PACRGL: variants seen among roughly 807,000 people sequenced by gnomAD.
PACRGL encodes PACRG-like protein.
In PACRGL, 38 loss-of-function variants were observed where a neutral mutation model predicts 34.5. The ratio of observed to expected loss-of-function variants is 1.10; its 90% CI spans 0.85 to 1.44. The LOEUF is 1.44. Among genes scored for constraint, PACRGL ranks in the 40% most tolerant of loss-of-function variants. The pLI is 0.00. For missense variants in PACRGL, 305 were observed against 281.4 expected (o/e 1.08, Z -0.60); for synonymous variants, 128 against 100.1 (o/e 1.28, Z -1.66).
At chr4:20,736,305 C>T (rs930012728), downstream of PACRGL, among the ~76,000 whole-genome samples, 2 of 152,078 alleles carry the variant, frequency 1.3e-5, no homozygotes, top group Admixed American at 1.3e-4. Flanking sequence ...GTAAATACAT[C>T]GTAGTTTATT....
chr4:20,709,133 TC>T (rs1275918006), intron 4 of PACRGL, among the ~76,000 whole-genome samples: 2 of 152,130 alleles, frequency 1.3e-5, no homozygotes, highest in African/African-American at 4.8e-5. Flanking sequence ...GAGTGAAACT[TC>T]GTCTCAAAAA....
At chr4:20,726,983 C>G (rs924419637) in intron 8 of PACRGL, among the ~76,000 whole-genome samples, 1 of 151,950 alleles carries the variant, frequency 6.6e-6, no homozygotes, top group African/African-American at 2.4e-5. Flanking sequence ...CTAAAGATCA[C>G]GGAACTTAGG....
intron 5 of PACRGL, 40 bp downstream of exon 5, chr4:20,709,813 C>T (rs1239806572): frequency 6.7e-7 from 1 of 1,483,068 alleles, no homozygotes; most frequent in Non-Finnish European, 9.4e-7. Context: ...AGAAAATAAA[C>T]ATTAAAAATT....
intron 7 of PACRGL, among the ~76,000 whole-genome samples, chr4:20,722,411 G>A (rs755987614): frequency 3.9e-5 from 6 of 152,170 alleles, no homozygotes; most frequent in Non-Finnish European, 5.9e-5. Context: ...TGTGTTTTGC[G>A]TCACTCACGC....
At chr4:20,745,646 C>G (rs914425030) in intron 8 of PACRGL, among the ~76,000 whole-genome samples, 1 of 152,126 alleles carries the variant, frequency 6.6e-6, no homozygotes, top group African/African-American at 2.4e-5. Context: ...GTACCGAATT[C>G]TGGTTTCCAT....
chr4:20,723,412 G>A (rs1440913670), intron 7 of PACRGL, among the ~76,000 whole-genome samples: 3 of 151,850 alleles, frequency 2.0e-5, no homozygotes, highest in Non-Finnish European at 4.4e-5. Context: ...TATTGGTTTT[G>A]GTTTTGGGTT....
chr4:20,764,338 G>T, the PACRGL span, among the ~76,000 whole-genome samples: 1 of 152,106 alleles, frequency 6.6e-6, no homozygotes, highest in African/African-American at 2.4e-5. Context: ...GAAATATCCT[G>T]AACATTTTTT....
chr4:20,706,952 G>C (rs1315041032), intron 3 of PACRGL, among the ~76,000 whole-genome samples: 3 of 151,890 alleles, frequency 2.0e-5, no homozygotes, highest in Non-Finnish European at 4.4e-5. Flanking sequence ...TGCTTTTCCA[G>C]AGGAAAAAAG....
At position 20,730,187 on chromosome 4, in the gene PACRGL, T is replaced by C; in HGVS notation, c.*2846T>C. On this transcript the variant is annotated 3_prime_UTR_variant, in exon 9 of 9. Coordinates refer to ENST00000503585, the MANE Select transcript of PACRGL (RefSeq NM_001258345.3). ...AGCATATCTGCAAGGAAAAGTACAC[T>C]ATTTTGCCCCTGAGTATTGCCTCCT... The C allele has an allele frequency of 1.3e-6, 2 of 1,544,074 alleles. No homozygotes were observed. The highest frequency in any genetic ancestry group is 1.7e-6 in the Non-Finnish European group (2 of 1,146,008).
At chr4:20,724,760 T>G in intron 7 of PACRGL, 48 bp from the exon 8 acceptor site, 1 of 1,104,344 alleles carries the variant, frequency 9.1e-7, no homozygotes, top group African/African-American at 1.6e-5. Context: ...ATGGTGAGCA[T>G]TGTTAAGTTT....
intron 5 of PACRGL, 123 bp from the exon 6 acceptor site, chr4:20,712,665 A>C (rs1419281718): frequency 1.1e-6 from 1 of 918,000 alleles, no homozygotes; most frequent in Admixed American, 3.1e-5. Flanking sequence ...TGAAATTATA[A>C]TCATGATTAG....
rs370151568 is a variant in PACRGL at position 20,713,497 on chromosome 4, T to C, written c.567T>C (p.Val189=). The C allele has an allele frequency of 8.1e-6, 13 of 1,613,614 alleles. No homozygotes were observed. In the African/African-American group the frequency reaches 9.3e-5, roughly 12 times the overall value. ...CTCTAGTTCAGCTAAGTGTCGTTGTTGGTCCTTCTCTAAACGACCATCTGA... is the reference window on the plus strand; with the variant it reads ...CTCTAGTTCAGCTAAGTGTCGTTGTCGGTCCTTCTCTAAACGACCATCTGA... ...LNALVQLSVV[V]GPSLNDHLKH... is the part of the protein sequence containing the mutation. Residue 189 remains valine, a synonymous_variant, in exon 7 of 9, where the codon GTT becomes GTC. Transcript: ENST00000503585.
chr4:20,703,510 GTT>G (rs1231577515), intron 1 of PACRGL, among the ~76,000 whole-genome samples: 2,288 of 99,350 alleles, frequency 0.023, 22 homozygotes, highest in African/African-American at 0.033. Context: ...GTGTGTGTGT[GTT>G]TGTGTGTGTG....
chr4:20,760,939 G>C, the PACRGL span, among the ~76,000 whole-genome samples: 1 of 152,190 alleles, frequency 6.6e-6, no homozygotes, highest in Non-Finnish European at 1.5e-5. Context: ...CATTATTCTG[G>C]ATAGTTCTGT....
downstream of PACRGL, among the ~76,000 whole-genome samples, chr4:20,757,533 A>G (rs1055789268): frequency 1.3e-5 from 2 of 151,794 alleles, no homozygotes; most frequent in African/African-American, 4.8e-5. Context: ...TACACTCTCT[A>G]CCCTAGCCAC....
At chr4:20,699,697 A>T (rs1731508696), upstream of PACRGL, among the ~76,000 whole-genome samples, 1 of 152,118 alleles carries the variant, frequency 6.6e-6, no homozygotes, top group Non-Finnish European at 1.5e-5. Context: ...GATGCTAAAG[A>T]GGAGTGCAGT....
chr4:20,735,530 G>GTTTTTTTTTTTT (rs10542507), downstream of PACRGL, among the ~76,000 whole-genome samples: 7 of 109,716 alleles, frequency 6.4e-5, no homozygotes, highest in South Asian at 3.0e-4. Flanking sequence ...TTTTTTTTTT[G>GTTTTTTTTTTTT]TTTTTTTTTT....
the PACRGL span, among the ~76,000 whole-genome samples, chr4:20,759,700 A>C: frequency 6.6e-6 from 1 of 152,182 alleles, no homozygotes; most frequent in Non-Finnish European, 1.5e-5. Context: ...TTGGTGCAGA[A>C]TATAAGGTTT....
At chr4:20,738,093 G>A (rs1267355699) in intron 8 of PACRGL, among the ~76,000 whole-genome samples, 1 of 151,022 alleles carries the variant, frequency 6.6e-6, no homozygotes, top group Non-Finnish European at 1.5e-5. Context: ...TTGCACCACT[G>A]TGCTTCAGCC....
Sources: allele counts gnomAD v4.1 joint callset (sites outside exome capture counted in the v4.1 genomes callset), GRCh38; gene constraint gnomAD v4.1.1; transcripts MANE v1.5; gene names NCBI Gene and HGNC (gene_info 2026-07-23, HGNC 2026-07-21).